Variants in COL22A1 observed in about 807,000 individuals in gnomAD.
The protein encoded by COL22A1 is collagen type XXII alpha 1 chain.
COL22A1 carries 221 observed loss-of-function variants against 248.9 expected under a neutral mutation model. That is an observed-to-expected ratio of 0.89 (90% CI 0.80 to 0.99). The LOEUF (loss-of-function observed/expected upper bound fraction) is 0.99, where lower values mean the gene tolerates loss of function less well. Among genes scored for constraint, COL22A1 ranks in the 50% least tolerant of loss-of-function variants. The probability of loss-of-function intolerance (pLI) is 0.00; values close to 1 mark genes in which losing one functional copy is unlikely to be tolerated. For missense variants in COL22A1, 2,240 were observed against 2,179.0 expected, an observed-to-expected ratio of 1.03 and a Z score of -0.56; for synonymous variants, 891 against 793.4, an observed-to-expected ratio of 1.12 and a Z score of -2.07.
chr8:138,882,419 CACTCCCTCACACACTTCCTCAA>C (rs887643383), intron 2 of COL22A1, among the ~76,000 whole-genome samples: 12 of 151,296 alleles, frequency 7.9e-5, no homozygotes, highest in African/African-American at 2.9e-4. Context: ...TATTCTCTCA[CACTCCCTCACACACTTCCTCAA>C]ACTCCCTCAC....
intron 45 of COL22A1, among the ~76,000 whole-genome samples, chr8:138,652,735 G>GTTGTTTTTTTTTT (rs1822857878): frequency 1.8e-5 from 1 of 54,244 alleles, no homozygotes; most frequent in East Asian, 8.3e-4. Flanking sequence ...TCCTTTTCTG[G>GTTGTTTTTTTTTT]TTTTTTTTTT....
intron 23 of COL22A1, among the ~76,000 whole-genome samples, chr8:138,737,141 G>A (rs374336109): frequency 2.0e-4 from 31 of 152,272 alleles, no homozygotes; most frequent in Middle Eastern, 3.4e-3. Context: ...CCCTCCCTCC[G>A]CTCATTCCAG....
chr8:138,840,588 G>GTTA (rs141154756), intron 4 of COL22A1, among the ~76,000 whole-genome samples: 224 of 151,784 alleles, frequency 1.5e-3, no homozygotes, highest in African/African-American at 5.0e-3. Context: ...GCAAGAATCA[G>GTTA]TTATTATTAT....
chr8:138,649,844 CAA>C lies in COL22A1; in HGVS notation c.3334-68_3334-67del. The C allele has an allele frequency of 3.0e-6, 3 of 984,488 alleles. No homozygotes were observed. The East Asian group carries it at 7.8e-5, about 25-fold the overall frequency. The allele number at this position is 984,488 out of a possible 1,614,324, so 61.0% of individuals were successfully genotyped here. ...TAGCAAATACAGTTTCAAAGCAAAGCAAAGTAGCCCTGGCTGCTATCTCTCCA... is the reference window on the plus strand; with the variant it reads ...TAGCAAATACAGTTTCAAAGCAAAGCAGTAGCCCTGGCTGCTATCTCTCCA... On this transcript the variant is annotated intron_variant, in intron 45 of 64. Coordinates refer to ENST00000303045, the MANE Select transcript of COL22A1 (RefSeq NM_152888.3).
At chr8:138,670,135 C>T (rs1310075011) in intron 41 of COL22A1, among the ~76,000 whole-genome samples, 1 of 152,140 alleles carries the variant, frequency 6.6e-6, no homozygotes, top group Non-Finnish European at 1.5e-5. Context: ...AATTCACCTG[C>T]CTTGGCCTCC....
intron 49 of COL22A1, among the ~76,000 whole-genome samples, 157 bp from the exon 50 acceptor site, chr8:138,630,905 G>A (rs926199079): frequency 2.0e-5 from 3 of 152,184 alleles, no homozygotes; most frequent in African/African-American, 7.2e-5. Flanking sequence ...GTGGGCCCTG[G>A]TGGGAGGTGA....
chr8:138,613,669 G>C (rs1482571833), intron 56 of COL22A1, among the ~76,000 whole-genome samples, 198 bp downstream of exon 56: 1 of 151,552 alleles, frequency 6.6e-6, no homozygotes, highest in African/African-American at 2.4e-5. Flanking sequence ...TTGTTGTGGG[G>C]GATGGTCCCA....
chr8:138,788,730 T>A (rs1455497850), intron 12 of COL22A1, among the ~76,000 whole-genome samples: 1 of 152,112 alleles, frequency 6.6e-6, no homozygotes, highest in Non-Finnish European at 1.5e-5. Flanking sequence ...GCAGAAGACG[T>A]CATTTGGTTT....
rs761255399 is a variant in COL22A1 at position 138,596,911 on chromosome 8, C to T, written c.4425G>A (p.Gln1475=). Residue 1475 remains glutamine, a synonymous_variant, in exon 62 of 65, where the codon CAG becomes CAA. Transcript: ENST00000303045. ...CACAGTCCAGATACTCACTTTCAAG[C>T]TGCTTCCCCAGCTCTTCTTGAATAA... is the stretch of plus-strand genomic sequence containing the variant. ...RRLIQEELGK[Q]LETRLAYLLA... is the part of the protein sequence containing the mutation. 33 of 1,613,864 alleles carry T rather than the reference C, an allele frequency of 2.0e-5. No individual in the cohort carries two copies. In the Admixed American group the frequency reaches 5.3e-4, roughly 26 times the overall value.
chr8:138,684,629 C>T (rs1252553658), intron 38 of COL22A1, among the ~76,000 whole-genome samples, 160 bp from the exon 39 acceptor site: 1 of 152,130 alleles, frequency 6.6e-6, no homozygotes, highest in Non-Finnish European at 1.5e-5. Context: ...TGGTTTTGAG[C>T]CACAAGGCCC....
chr8:138,716,184 G>A (rs1294000396), intron 29 of COL22A1, 43 bp downstream of exon 29: 6 of 1,485,782 alleles, frequency 4.0e-6, no homozygotes, highest in Admixed American at 4.0e-5. Flanking sequence ...CTGTGGAGAT[G>A]GGCGAGGTTC....
chr8:138,663,817 T>C (rs1824201440), intron 41 of COL22A1, 77 bp from the exon 42 acceptor site: 1 of 1,141,072 alleles, frequency 8.8e-7, no homozygotes, highest in Non-Finnish European at 1.3e-6. Context: ...GTTTATTCCA[T>C]AGACAGGTCC....
Position 138,883,084 on chromosome 8 carries a change from G to C in COL22A1, c.89C>G (p.Ala30Gly), listed in dbSNP as rs1225328369. 4 of 1,578,854 alleles carry C rather than the reference G, an allele frequency of 2.5e-6. No individual in the cohort carries two copies. The Admixed American group carries it at 7.2e-5, about 29-fold the overall frequency. The change falls in exon 2 of 65, where the codon GCA (alanine) becomes GGA (glycine). Residue 30 changes from alanine to glycine, a missense_variant and splice_region_variant. By Grantham distance (60) the Ala-to-Gly change is moderately conservative. Transcript: ENST00000303045. ...SGGGGCQAQR[A>G]GCKSVHYDLV... ...GGCACAGCCCACGGTGGCCCCACCT[G>C]CCCGCTGAGCCTGGCAGCCGCCGCC...
At chr8:138,657,300 A>C (rs1470886076) in intron 44 of COL22A1, among the ~76,000 whole-genome samples, 2 of 152,144 alleles carry the variant, frequency 1.3e-5, no homozygotes, top group East Asian at 1.9e-4. Flanking sequence ...AAGGTGTTTT[A>C]TTTTCAGGCC....
At chr8:138,697,652 C>T (rs1827616276) in intron 32 of COL22A1, among the ~76,000 whole-genome samples, 1 of 152,166 alleles carries the variant, frequency 6.6e-6, no homozygotes, top group South Asian at 2.1e-4. Context: ...CGGGCTTCTC[C>T]CTCCACCCCC....
intron 10 of COL22A1, among the ~76,000 whole-genome samples, chr8:138,806,193 T>TGTATGTTTGTGTGTGAGG (rs1817708875): frequency 1.1e-5 from 1 of 87,194 alleles, no homozygotes; most frequent in South Asian, 3.7e-4. Context: ...TGTGTGATGG[T>TGTATGTTTGTGTGTGAGG]GTGTGTGTGA....
intron 46 of COL22A1, 22 bp downstream of exon 46, chr8:138,649,643 G>A (rs766913547): frequency 1.9e-5 from 31 of 1,603,690 alleles, no homozygotes; most frequent in Admixed American, 1.5e-4. Context: ...GATAAAAATC[G>A]AGTTTCCCCT....
In COL22A1 at chr8:138,640,986, T is replaced by C. The variant is rs560114807; in HGVS notation, c.3502-4191A>G. On this transcript the variant is annotated intron_variant, in intron 47 of 64. Transcript: ENST00000303045. ...GCTTCCTGCCTCCATCAGACATTCC[T>C]AAGTGTTCGCTGCAAGCTTGTAGGT... Among the ~76,000 whole-genome samples the C allele has an allele frequency of 8.6e-4, 131 of 152,324 alleles. 2 individuals are homozygous for C. The highest frequency in any genetic ancestry group is 6.8e-3 in the Middle Eastern group (2 of 294).
chr8:138,650,787 A>C (rs992998559), intron 45 of COL22A1, among the ~76,000 whole-genome samples: 1 of 152,138 alleles, frequency 6.6e-6, no homozygotes, highest in African/African-American at 2.4e-5. Flanking sequence ...TTGTTAGTTT[A>C]TTTATTCACT....
Sources: allele counts gnomAD v4.1 joint callset (sites outside exome capture counted in the v4.1 genomes callset), GRCh38; gene constraint gnomAD v4.1.1; transcripts MANE v1.5; gene names NCBI Gene and HGNC (gene_info 2026-07-23, HGNC 2026-07-21).